TNRC6A: variants seen among roughly 807,000 people sequenced by gnomAD.
The protein encoded by TNRC6A is trinucleotide repeat containing adaptor 6A, also known as trinucleotide repeat-containing gene 6A protein.
A neutral mutation model predicts 221.2 loss-of-function variants in TNRC6A; 44 were observed. The ratio of observed to expected loss-of-function variants is 0.20; its 90% CI spans 0.16 to 0.26. The LOEUF (loss-of-function observed/expected upper bound fraction) is 0.26, where lower values mean the gene tolerates loss of function less well. TNRC6A is among the 10% of genes least tolerant of loss of function. The pLI, the probability that TNRC6A is intolerant of heterozygous loss-of-function variation, is 1.00. For synonymous variants in TNRC6A, 847 were observed against 838.5 expected, an observed-to-expected ratio of 1.01 and a Z score of -0.18; for missense variants, 2,199 against 2,404.4, an observed-to-expected ratio of 0.91 and a Z score of 1.79.
intron 1 of TNRC6A, among the ~76,000 whole-genome samples, chr16:24,637,623 T>A (rs1381095801): frequency 6.6e-6 from 1 of 152,100 alleles, no homozygotes; most frequent in East Asian, 1.9e-4. Flanking sequence ...AGGTCCCATG[T>A]GGGGAGGTGC....
intron 2 of TNRC6A, among the ~76,000 whole-genome samples, chr16:24,750,065 G>A (rs181951816): frequency 2.6e-5 from 4 of 152,240 alleles, no homozygotes; most frequent in African/African-American, 7.2e-5. Flanking sequence ...ACTTGAACTC[G>A]GGAGGTGGAG....
Position 24,753,717 on chromosome 16 carries a change from A to G in TNRC6A, c.141+2904A>G, listed in dbSNP as rs980578519. Among the ~76,000 whole-genome samples the G allele has an allele frequency of 9.8e-5, 15 of 152,374 alleles. No individual in the cohort carries two copies. The East Asian group carries it at 2.3e-3, about 23-fold the overall frequency. The stretch of plus-strand genomic sequence containing the variant: ...ATCCAGGCAGATATCTACATGAGCC[A>G]GGTGGGCAGGCCCATTTATATAAAT... On this transcript the variant is annotated intron_variant, in intron 3 of 24. Coordinates refer to ENST00000395799, the MANE Select transcript of TNRC6A (RefSeq NM_014494.4).
intron 4 of TNRC6A, among the ~76,000 whole-genome samples, chr16:24,762,042 C>G (rs1351021512): frequency 2.0e-5 from 3 of 152,142 alleles, no homozygotes; most frequent in Admixed American, 6.5e-5. Flanking sequence ...TAATAAACCC[C>G]TGAGCTCCTA....
chr16:24,745,012 A>G (rs905726077), intron 2 of TNRC6A, among the ~76,000 whole-genome samples: 1 of 152,138 alleles, frequency 6.6e-6, no homozygotes, highest in Non-Finnish European at 1.5e-5. Flanking sequence ...GCTGCATAAT[A>G]TTCCATTTTA....
At chr16:24,729,923 G>T (rs568118374) in intron 1 of TNRC6A, 77 bp downstream of exon 1, 21 of 1,174,378 alleles carry the variant, frequency 1.8e-5, no homozygotes, top group Non-Finnish European at 1.9e-5. Flanking sequence ...CGCGGCGGCG[G>T]CAGCAGAGGC....
intron 1 of TNRC6A, among the ~76,000 whole-genome samples, chr16:24,626,247 G>T (rs1032838884): frequency 6.6e-6 from 1 of 151,796 alleles, no homozygotes; most frequent in Non-Finnish European, 1.5e-5. Context: ...TTTCAGAATC[G>T]CAAATCTAGT....
chr16:24,630,665 G>A (rs1044940919), intron 1 of TNRC6A, among the ~76,000 whole-genome samples: 21 of 151,972 alleles, frequency 1.4e-4, no homozygotes, highest in South Asian at 8.3e-4. Context: ...TAACCCACTC[G>A]AATACAGCCC....
upstream of TNRC6A, among the ~76,000 whole-genome samples, chr16:24,725,205 T>C (rs1009094444): frequency 2.6e-5 from 4 of 152,178 alleles, no homozygotes; most frequent in Admixed American, 2.6e-4. Flanking sequence ...GGTCTCACTC[T>C]GTCACCCAGA....
intron 2 of TNRC6A, among the ~76,000 whole-genome samples, chr16:24,732,558 G>C (rs1322361945): frequency 6.6e-6 from 1 of 152,194 alleles, no homozygotes; most frequent in Non-Finnish European, 1.5e-5. Flanking sequence ...AAGTAACTTG[G>C]AGGAGACCAT....
chr16:24,710,793 C>T (rs1006165751), intron 2 of TNRC6A, among the ~76,000 whole-genome samples: 1 of 151,560 alleles, frequency 6.6e-6, no homozygotes, highest in Non-Finnish European at 1.5e-5. Flanking sequence ...CTCACTGCAA[C>T]CTCCGCCTCC....
chr16:24,686,891 C>T (rs1166956043), intron 2 of TNRC6A, among the ~76,000 whole-genome samples: 2 of 152,126 alleles, frequency 1.3e-5, no homozygotes, highest in African/African-American at 2.4e-5. Context: ...ATGGGAATAA[C>T]GATGGCACCT....
chr16:24,698,793 C>T (rs1170411275), intron 2 of TNRC6A, among the ~76,000 whole-genome samples: 1 of 152,174 alleles, frequency 6.6e-6, no homozygotes, highest in Non-Finnish European at 1.5e-5. Flanking sequence ...TCACTGCAAC[C>T]TCTGCCTCCT....
chr16:24,634,103 G>A (rs1901497480), intron 1 of TNRC6A, among the ~76,000 whole-genome samples: 2 of 152,090 alleles, frequency 1.3e-5, no homozygotes, highest in Admixed American at 1.3e-4. Context: ...TTTTATCACT[G>A]TATATGCCCA....
intron 2 of TNRC6A, among the ~76,000 whole-genome samples, chr16:24,702,272 A>C (rs1026829999): frequency 1.4e-5 from 2 of 145,964 alleles, no homozygotes; most frequent in African/African-American, 5.1e-5. Flanking sequence ...CTGCCTCTGG[A>C]GCTCAAGTGA....
intron 3 of TNRC6A, among the ~76,000 whole-genome samples, chr16:24,751,386 G>A (rs529926352): frequency 1.4e-4 from 21 of 152,168 alleles, no homozygotes; most frequent in Admixed American, 1.0e-3. Context: ...GTGTACATTA[G>A]CCTTAAAATA....
Position 24,765,167 on chromosome 16 carries a change from C to G in TNRC6A, c.163+6807C>G, listed in dbSNP as rs1317949279. 2.0e-5 allele frequency among the ~76,000 whole-genome samples: 3 copies of G among 152,274 alleles called. No homozygotes were observed. The East Asian group carries it at 5.8e-4, about 29-fold the overall frequency. On this transcript the variant is annotated intron_variant, in intron 4 of 24. Transcript: ENST00000395799. ...TGGGAATCCATAAGACCTTAAGTTT[C>G]CCAATTACAAGCCTTCTATTATAAC...
intron 1 of TNRC6A, among the ~76,000 whole-genome samples, chr16:24,633,489 G>C (rs1901456618): frequency 6.6e-6 from 1 of 152,012 alleles, no homozygotes; most frequent in Non-Finnish European, 1.5e-5. Context: ...CCACCTCCCG[G>C]GTTCAAGCGA....
intron 2 of TNRC6A, among the ~76,000 whole-genome samples, chr16:24,689,184 T>C (rs1448314809): frequency 2.0e-5 from 3 of 152,194 alleles, no homozygotes; most frequent in Non-Finnish European, 4.4e-5. Flanking sequence ...GAATCTGACC[T>C]GGACAGAGGG....
chr16:24,661,495 C>A lies in TNRC6A; in HGVS notation n.402+20486C>A, dbSNP rs547620988. ...GTAGCGCCATTTTGGCTCACTGCAACCTCCGCCTCCCAGGTTCAAGCGATT... is the reference window on the plus strand; with the variant it reads ...GTAGCGCCATTTTGGCTCACTGCAAACTCCGCCTCCCAGGTTCAAGCGATT... On this transcript the variant is annotated intron_variant and non_coding_transcript_variant, in intron 2 of 2. Coordinates refer to the TNRC6A transcript ENST00000566108. 5 of 152,386 alleles carry A rather than the reference C, an allele frequency of 3.3e-5. No homozygotes were observed. The East Asian group carries it at 9.6e-4, about 29-fold the overall frequency. 9.4% of individuals were successfully genotyped at this position (152,386 alleles called of 1,614,324 possible). A position where few individuals can be genotyped will look rare whatever the true frequency, so the allele number is the denominator to read the frequency against.
Sources: allele counts gnomAD v4.1 joint callset (sites outside exome capture counted in the v4.1 genomes callset), GRCh38; gene constraint gnomAD v4.1.1; transcripts MANE v1.5; gene names NCBI Gene and HGNC (gene_info 2026-07-23, HGNC 2026-07-21).